The following TTLL11 variants were observed in gnomAD, a reference collection of about 807,000 sequenced individuals.
TTLL11 encodes tubulin tyrosine ligase like 11.
In TTLL11, 42 loss-of-function variants were observed where a neutral mutation model predicts 51.7. That is an observed-to-expected ratio of 0.81 (90% confidence interval 0.64 to 1.05). The LOEUF (loss-of-function observed/expected upper bound fraction) is 1.05, where lower values mean the gene tolerates loss of function less well. TTLL11 is among the 50% of genes least tolerant of loss of function. TTLL11 has a pLI of 0.00. For missense variants in TTLL11, 799 were observed against 940.4 expected (o/e 0.85, Z 1.97); for synonymous variants, 381 against 383.5 (o/e 0.99, Z 0.08).
chr9:122,011,667 T>C (rs960679563), intron 3 of TTLL11, among the ~76,000 whole-genome samples: 4 of 152,168 alleles, frequency 2.6e-5, no homozygotes, highest in Admixed American at 1.3e-4. Flanking sequence ...GTATGCAACA[T>C]ACTCTCAAAA....
Position 121,975,124 on chromosome 9 carries a change from G to T in TTLL11, c.1270-145C>A, listed in dbSNP as rs532568979. 3.0e-5 allele frequency: 17 copies of T among 563,740 alleles called. No homozygotes were observed. In the South Asian group the frequency reaches 4.4e-4, roughly 15 times the overall value. The allele number at this position is 563,740 out of a possible 1,614,324, so 34.9% of individuals were successfully genotyped here. A position where few individuals can be genotyped will look rare whatever the true frequency, so the allele number is the denominator to read the frequency against. Reference sequence around the variant, plus strand: ...GTCCACAGCCCCTCTTCCTCTGGGGGTACTTGTCAGACCAAATGGACAGCA... The same window carrying T: ...GTCCACAGCCCCTCTTCCTCTGGGGTTACTTGTCAGACCAAATGGACAGCA... On this transcript the variant is annotated intron_variant, in intron 4 of 8. Transcript: ENST00000321582.
intron 3 of TTLL11, among the ~76,000 whole-genome samples, chr9:121,998,378 C>T (rs908089391): frequency 6.6e-6 from 1 of 152,134 alleles, no homozygotes; most frequent in African/African-American, 2.4e-5. Flanking sequence ...CCTCCGCCTC[C>T]TGGGTTCAAG....
At position 122,002,363 on chromosome 9, in the gene TTLL11, C is replaced by T. The variant is rs772820885; in HGVS notation, c.694-12593G>A. ...TCGCTAGCCACTACCACGACCACAA[C>T]GGTCTTAGGACAGGGAGGGAAGTTT... is the stretch of plus-strand genomic sequence containing the variant. On this transcript the variant is annotated intron_variant, in intron 3 of 8. Coordinates refer to ENST00000321582, the MANE Select transcript of TTLL11 (RefSeq NM_001139442.2). Among the ~76,000 whole-genome samples, 5 of 152,210 alleles carry T rather than the reference C, an allele frequency of 3.3e-5. No individual in the cohort carries two copies. In the East Asian group the frequency reaches 5.8e-4, roughly 18 times the overall value.
At chr9:121,934,707 C>G (rs187923768) in intron 6 of TTLL11, among the ~76,000 whole-genome samples, 48 of 152,304 alleles carry the variant, frequency 3.2e-4, no homozygotes, top group African/African-American at 1.1e-3. Flanking sequence ...GCAACCCAAA[C>G]AGTCCCTACA....
chr9:122,084,944 G>A (rs115153650), intron 1 of TTLL11, among the ~76,000 whole-genome samples: 6,289 of 152,180 alleles, frequency 0.041, 420 homozygotes, highest in African/African-American at 0.14. Context: ...TTCCCGTGGC[G>A]ATGTACATAA....
At chr9:121,862,999 G>A (rs1017747505) in intron 7 of TTLL11, among the ~76,000 whole-genome samples, 5 of 152,140 alleles carry the variant, frequency 3.3e-5, no homozygotes, top group African/African-American at 1.2e-4. Context: ...AGACGAGCCT[G>A]GTGCTCCTTG....
Position 121,853,819 on chromosome 9 carries a change from A to G in TTLL11, c.1840+6518T>C, listed in dbSNP as rs573188904. ...GAGAGTCTGTTGCGGCCACGTCCTG[A>G]CCCTCTCATCTGGCTGTGAGGCAGG... On this transcript the variant is annotated intron_variant, in intron 8 of 8. Coordinates refer to ENST00000321582, the MANE Select transcript of TTLL11 (RefSeq NM_001139442.2). The surrounding 1 kb of genome is among the most constrained non-coding windows in gnomAD (Gnocchi z 5.6). Among the ~76,000 whole-genome samples the G allele has an allele frequency of 9.2e-5, 14 of 152,150 alleles. 1 individual carries two copies. The South Asian group carries it at 2.9e-3, about 32-fold the overall frequency.
chr9:121,967,834 C>G (rs200856105), intron 6 of TTLL11, among the ~76,000 whole-genome samples: 1 of 151,968 alleles, frequency 6.6e-6, no homozygotes, highest in African/African-American at 2.4e-5. Flanking sequence ...AGTACTGACA[C>G]AAGCCACAAC....
At chr9:121,838,372 C>G (rs1405879398) in intron 8 of TTLL11, among the ~76,000 whole-genome samples, 1 of 152,186 alleles carries the variant, frequency 6.6e-6, no homozygotes, top group Non-Finnish European at 1.5e-5. Flanking sequence ...TCGCTGGTCT[C>G]CCTGTTTCCA....
At position 121,892,203 on chromosome 9, in the gene TTLL11, TACATATA is replaced by T. The variant is rs1424267430; in HGVS notation, c.1482-21462_1482-21456del. ...ATACACACACATATATATACATATA[TACATATA>T]TACATATATATATATAATCTTCCAA... On this transcript the variant is annotated intron_variant, in intron 6 of 8. Transcript: ENST00000321582. Among the ~76,000 whole-genome samples, 8 of 148,372 alleles carry T rather than the reference TACATATA, an allele frequency of 5.4e-5. No homozygotes were observed. The East Asian group carries it at 1.6e-3, about 29-fold the overall frequency.
At chr9:121,917,615 G>GGGAAGGGGA (rs1840386093) in intron 6 of TTLL11, among the ~76,000 whole-genome samples, 1 of 144,642 alleles carries the variant, frequency 6.9e-6, no homozygotes, top group African/African-American at 2.6e-5. Context: ...AAGGGAGGGA[G>GGGAAGGGGA]GGAAGGGGAG....
rs763614162 is a variant in TTLL11 at position 121,821,595 on chromosome 9, C to T, written c.*992G>A. 3.2e-4 allele frequency among the ~76,000 whole-genome samples: 48 copies of T among 152,274 alleles called. 1 individual carries two copies. The highest frequency in any genetic ancestry group is 3.4e-3 in the Middle Eastern group (1 of 294). On this transcript the variant is annotated 3_prime_UTR_variant, in exon 9 of 9. Coordinates refer to ENST00000321582, the MANE Select transcript of TTLL11 (RefSeq NM_001139442.2). This position sits in a 1 kb window ranked among gnomAD's most constrained non-coding sequence, Gnocchi z 5.0. ...CCTTCTGCTGCCTGTGAGGCGTTTC[C>T]TCCGAGAGGGGGGCTACCTGGGGAT... is the stretch of plus-strand genomic sequence containing the variant.
intron 6 of TTLL11, among the ~76,000 whole-genome samples, chr9:121,949,397 T>C (rs1341107070): frequency 2.0e-5 from 3 of 152,196 alleles, no homozygotes; most frequent in East Asian, 1.9e-4. Context: ...ACTCGTTGTC[T>C]TAGACGGAAT....
At chr9:122,071,138 G>A (rs1344099109) in intron 1 of TTLL11, among the ~76,000 whole-genome samples, 3 of 152,192 alleles carry the variant, frequency 2.0e-5, no homozygotes, top group Non-Finnish European at 4.4e-5. Context: ...GGCTTAGAGT[G>A]GACCCCATGG....
intron 8 of TTLL11, among the ~76,000 whole-genome samples, chr9:121,847,239 A>C (rs930429525): frequency 6.6e-6 from 1 of 151,934 alleles, no homozygotes; most frequent in African/African-American, 2.4e-5. Flanking sequence ...ATCAGAACAC[A>C]AATTAATGAA....
intron 6 of TTLL11, among the ~76,000 whole-genome samples, chr9:121,883,471 T>C (rs1484873637): frequency 6.6e-6 from 1 of 152,188 alleles, no homozygotes; most frequent in African/African-American, 2.4e-5. Flanking sequence ...TCCAGGAAGA[T>C]TTCGCGGCCT....
intron 1 of TTLL11, among the ~76,000 whole-genome samples, chr9:122,073,981 C>T (rs1443824928): frequency 1.3e-5 from 2 of 152,274 alleles, no homozygotes; most frequent in Middle Eastern, 3.4e-3. Context: ...TACAAGAGTG[C>T]CATGATGCTG....
intron 1 of TTLL11, among the ~76,000 whole-genome samples, chr9:122,086,902 T>C (rs1375256746): frequency 6.6e-6 from 1 of 152,266 alleles, no homozygotes; most frequent in Non-Finnish European, 1.5e-5. Context: ...ACTTACTTGC[T>C]GTGCCCACCT....
At chr9:122,084,968 G>A (rs76955057) in intron 1 of TTLL11, among the ~76,000 whole-genome samples, 202 of 152,214 alleles carry the variant, frequency 1.3e-3, no homozygotes, top group African/African-American at 4.7e-3. Context: ...ACATACCAAC[G>A]TATGAGACAG....
Sources: allele counts gnomAD v4.1 joint callset (sites outside exome capture counted in the v4.1 genomes callset), GRCh38; gene constraint gnomAD v4.1.1; non-coding constraint Gnocchi (gnomAD v3.1); transcripts MANE v1.5; gene names NCBI Gene and HGNC (gene_info 2026-07-23, HGNC 2026-07-21).